Variants in DNAH1 observed in about 807,000 individuals in gnomAD.
DNAH1 encodes dynein axonemal heavy chain 1.
Under a neutral mutation model 484.3 loss-of-function variants are expected in DNAH1, and 327 were observed. That is an observed-to-expected ratio of 0.68 (90% CI 0.62 to 0.74). The LOEUF is 0.74. Among genes scored for constraint, DNAH1 ranks in the 30% least tolerant of loss-of-function variants. The pLI, the probability that DNAH1 is intolerant of heterozygous loss-of-function variation, is 0.00. For missense variants in DNAH1, 5,052 were observed against 5,546.8 expected, an observed-to-expected ratio of 0.91 and a Z score of 2.83; for synonymous variants, 2,192 against 2,191.9, an observed-to-expected ratio of 1.00 and a Z score of 0.00.
At chr3:52,376,790 G>A (rs376223204) in intron 46 of DNAH1, among the ~76,000 whole-genome samples, 159 of 107,368 alleles carry the variant, frequency 1.5e-3, no homozygotes, top group Middle Eastern at 3.9e-3. Flanking sequence ...CGCTGCACCC[G>A]CCCTCCCCTC....
chr3:52,356,180 A>T (rs1702601840), intron 21 of DNAH1, among the ~76,000 whole-genome samples: 1 of 152,216 alleles, frequency 6.6e-6, no homozygotes, highest in Admixed American at 6.5e-5. Context: ...CTCATGTTTC[A>T]GAGAGTATTT....
At chr3:52,351,102 G>A (rs78947691) in intron 16 of DNAH1, among the ~76,000 whole-genome samples, 3 of 152,124 alleles carry the variant, frequency 2.0e-5, no homozygotes, top group South Asian at 2.1e-4. Context: ...CACCCGCCGC[G>A]CCCTCCCAAA....
chr3:52,319,113 T>C (rs1399158269), intron 1 of DNAH1, among the ~76,000 whole-genome samples: 1 of 152,214 alleles, frequency 6.6e-6, no homozygotes, highest in Non-Finnish European at 1.5e-5. Flanking sequence ...GTGTGATCTT[T>C]GCAAGTTTCT....
chr3:52,382,625 G>A (rs1703905764), intron 50 of DNAH1, among the ~76,000 whole-genome samples, 170 bp downstream of exon 50: 1 of 152,188 alleles, frequency 6.6e-6, no homozygotes, highest in African/African-American at 2.4e-5. Flanking sequence ...TTGAGAGCAT[G>A]AGACCAAACC....
intron 7 of DNAH1, 129 bp downstream of exon 7, chr3:52,331,438 C>T (rs1234314164): frequency 1.8e-6 from 2 of 1,127,380 alleles, no homozygotes; most frequent in Non-Finnish European, 2.5e-6. Context: ...GCCCAATGCC[C>T]TGACCGGTGA....
Position 52,327,976 on chromosome 3 carries a change from G to A in DNAH1, c.833G>A (p.Gly278Glu). 1 of 1,613,962 alleles carries A rather than the reference G, an allele frequency of 6.2e-7. No individual in the cohort carries two copies. Among genetic ancestry groups the A allele is most frequent in the East Asian group, 2.2e-5 (1 of 44,884 alleles). Residue 278 changes from glycine to glutamate, a missense_variant, in exon 6 of 78, where the codon GGA becomes GAA. Around this residue, in one of 4 missense-constraint regions of DNAH1, gnomAD observed 1,263 missense variants for 1,218.8 expected, o/e 1.04. Coordinates refer to ENST00000420323, the MANE Select transcript of DNAH1 (RefSeq NM_015512.5). Reference protein sequence around the residue: ...PGSLDRKPVPGKALLPTDDFL... With the variant: ...PGSLDRKPVPEKALLPTDDFL... Reference sequence around the variant, plus strand: ...TCTCTGGACAGGAAACCTGTCCCGGGAAAAGCCCTCTTGCCCACTGATGAC... The same window carrying A: ...TCTCTGGACAGGAAACCTGTCCCGGAAAAAGCCCTCTTGCCCACTGATGAC...
At chr3:52,356,438 C>G (rs1038568321) in intron 21 of DNAH1, among the ~76,000 whole-genome samples, 176 bp from the exon 22 acceptor site, 3 of 152,182 alleles carry the variant, frequency 2.0e-5, no homozygotes, top group African/African-American at 7.2e-5. Flanking sequence ...CCTCTTTGTT[C>G]CCTGGAGTAT....
intron 8 of DNAH1, among the ~76,000 whole-genome samples, chr3:52,340,624 G>A (rs1701902745): frequency 6.6e-6 from 1 of 151,516 alleles, no homozygotes; most frequent in Non-Finnish European, 1.5e-5. Flanking sequence ...TAGTAGAGAC[G>A]GGGCTTCACC....
chr3:52,333,628 T>G (rs890072527), intron 8 of DNAH1, among the ~76,000 whole-genome samples: 4 of 152,192 alleles, frequency 2.6e-5, no homozygotes, highest in African/African-American at 9.7e-5. Flanking sequence ...CCTCAGGTAA[T>G]CCACTCGCCT....
rs927160655 is a variant in DNAH1 at position 52,373,770 on chromosome 3, G to C, written c.6985+717G>C. On this transcript the variant is annotated intron_variant, in intron 44 of 77. Transcript: ENST00000420323. ...ACTAAAGTAGAAGGAATTAAAACGA[G>C]CTGCTTTAAGTGAAATGGTAGAATA... 16 of 1,419,488 alleles carry C rather than the reference G, an allele frequency of 1.1e-5. No homozygotes were observed. In the African/African-American group the frequency reaches 2.3e-4, roughly 20 times the overall value. 87.9% of individuals were successfully genotyped at this position (1,419,488 alleles called of 1,614,324 possible).
Position 52,370,907 on chromosome 3 carries a change from A to G in DNAH1, c.6525+82A>G, listed in dbSNP as rs187390462. The G allele has an allele frequency of 3.3e-4, 454 of 1,393,264 alleles. 1 individual carries two copies. In the African/African-American group the frequency reaches 6.0e-3, roughly 18 times the overall value. The allele number at this position is 1,393,264 out of a possible 1,614,324, so 86.3% of individuals were successfully genotyped here. The stretch of plus-strand genomic sequence containing the variant: ...TTCCCGCAATGAATTATGGCCACAC[A>G]GGGAGCCGTCACATTGATGGCCACC... On this transcript the variant is annotated intron_variant, in intron 41 of 77. Transcript: ENST00000420323.
Position 52,361,199 on chromosome 3 carries a change from A to G in DNAH1, c.4721A>G (p.Lys1574Arg), listed in dbSNP as rs185997066. Residue 1574 changes from lysine to arginine, a missense_variant, in exon 29 of 78, where the codon AAG becomes AGG. By Grantham distance (26) the Lys-to-Arg change is conservative (BLOSUM62 2). This residue lies in a region of DNAH1 where 2,929 missense variants were observed against 3,409.4 expected (regional missense o/e 0.86). Transcript: ENST00000420323. This position sits in a 1 kb window ranked among gnomAD's most constrained non-coding sequence, Gnocchi z 5.6. Reference sequence around the variant, plus strand: ...ACACTGACCGGAGCTCTGCACCTCAAGTTTGGGGGTGCCCCAGCTGGCCCA... The same window carrying G: ...ACACTGACCGGAGCTCTGCACCTCAGGTTTGGGGGTGCCCCAGCTGGCCCA... ...YLTLTGALHL[K>R]FGGAPAGPAG... is the part of the protein sequence containing the mutation. 6.5e-5 allele frequency: 105 copies of G among 1,611,940 alleles called. No homozygotes were observed. Among genetic ancestry groups the G allele is most frequent in the Admixed American group, 4.0e-4 (24 of 59,902 alleles).
At position 52,399,565 on chromosome 3, in the gene DNAH1, A is replaced by G; in HGVS notation, c.12462A>G (p.Ser4154=). The G allele has an allele frequency of 6.2e-7, 1 of 1,611,442 alleles. No individual in the cohort carries two copies. Among genetic ancestry groups the G allele is most frequent in the Non-Finnish European group, 8.5e-7 (1 of 1,177,900 alleles). Residue 4154 remains serine (S), a synonymous_variant, in exon 77 of 78, where the codon TCA becomes TCG. Coordinates refer to ENST00000420323, the MANE Select transcript of DNAH1 (RefSeq NM_015512.5). ...CACAGGTGATGTTTGAGGCACCATC[A>G]GAGTTAACACAAAGACCCCAAGTAG... ...FDFKVMFEAP[S]ELTQRPQVGC... is the part of the protein sequence containing the mutation.
At chr3:52,391,729 C>G (rs915669598) in intron 63 of DNAH1, 126 bp downstream of exon 63, 2 of 1,133,220 alleles carry the variant, frequency 1.8e-6, no homozygotes, top group Non-Finnish European at 2.5e-6. Flanking sequence ...ACCAGTTTCA[C>G]CCCAGGCACT....
At position 52,362,447 on chromosome 3, in the gene DNAH1, T is replaced by TA; in HGVS notation, c.5041dup (p.Ile1681AsnfsTer15). The TA allele has an allele frequency of 6.2e-7, 1 of 1,614,054 alleles. No homozygotes were observed. Among genetic ancestry groups the TA allele is most frequent in the Non-Finnish European group, 8.5e-7 (1 of 1,179,958 alleles). Reference sequence around the variant, plus strand: ...CACTGGTGCCATCCTGCGCAGTGTTTATCACCATGAACCCGGGCTACGCTG... The same window carrying TA: ...CACTGGTGCCATCCTGCGCAGTGTTTAATCACCATGAACCCGGGCTACGCTG... On this transcript the variant is annotated frameshift_variant, in exon 31 of 78. Coordinates refer to ENST00000420323, the MANE Select transcript of DNAH1 (RefSeq NM_015512.5). LOFTEE classifies it high-confidence loss of function. This position sits in a 1 kb window ranked among gnomAD's most constrained non-coding sequence, Gnocchi z 5.1.
At chr3:52,316,729 G>A (rs55997317) in intron 1 of DNAH1, among the ~76,000 whole-genome samples, 184 bp downstream of exon 1, 29,526 of 152,104 alleles carry the variant, frequency 0.19, 3,381 homozygotes, top group African/African-American at 0.31. Context: ...ATAGGGTCCA[G>A]TTCAGTTCCA....
At position 52,393,114 on chromosome 3, in the gene DNAH1, G is replaced by A. The variant is rs1445049515; in HGVS notation, c.10474+89G>A. On this transcript the variant is annotated intron_variant, in intron 65 of 77. Coordinates refer to ENST00000420323, the MANE Select transcript of DNAH1 (RefSeq NM_015512.5). ...GTGGGGCACACACAAACTCACAACT[G>A]TGTTCACTGGCGTACACTCTCCTCT... 7 of 1,504,196 alleles carry A rather than the reference G, an allele frequency of 4.7e-6. No individual in the cohort carries two copies. The South Asian group carries it at 4.8e-5, about 10-fold the overall frequency. 93.2% of individuals were successfully genotyped at this position (1,504,196 alleles called of 1,614,324 possible).
intron 1 of DNAH1, among the ~76,000 whole-genome samples, chr3:52,321,006 A>G (rs1462110564): frequency 1.3e-5 from 2 of 151,016 alleles, no homozygotes; most frequent in Non-Finnish European, 3.0e-5. Context: ...TGCCATGTTG[A>G]CCAGGCTGGT....
intron 59 of DNAH1, 103 bp downstream of exon 59, chr3:52,389,040 C>G: frequency 7.4e-7 from 1 of 1,345,248 alleles, no homozygotes; most frequent in South Asian, 1.5e-5. Flanking sequence ...AGGTGGCTCT[C>G]CGCTCACTCA....
Sources: gnomAD v4.1 joint callset for allele counts (sites outside exome capture counted in the v4.1 genomes callset) on GRCh38, gnomAD v4.1.1 for gene constraint, gnomAD v4.1.1 regional missense constraint, Gnocchi (gnomAD v3.1) non-coding constraint, MANE v1.5 for transcripts, NCBI Gene and HGNC (gene_info 2026-07-23, HGNC 2026-07-21) for gene names.